Variants in LEPROTL1 observed in about 807,000 individuals in gnomAD.
The protein encoded by LEPROTL1 is leptin receptor overlapping transcript like 1.
In LEPROTL1, 6 loss-of-function variants were observed where a neutral mutation model predicts 15.4. That is an observed-to-expected ratio of 0.39 (90% CI 0.21 to 0.77). The LOEUF is 0.77. Among genes scored for constraint, LEPROTL1 ranks in the 30% least tolerant of loss-of-function variants. LEPROTL1 has a pLI of 0.41. For missense variants in LEPROTL1, 128 were observed against 158.1 expected (o/e 0.81, Z 1.02); for synonymous variants, 56 against 52.6 (o/e 1.06, Z -0.28).
At position 30,106,077 on chromosome 8, in the gene LEPROTL1, T is replaced by C. The variant is rs1166959422; in HGVS notation, c.*215T>C. The C allele has an allele frequency of 2.8e-6, 3 of 1,089,750 alleles. No individual in the cohort carries two copies. The highest frequency in any genetic ancestry group is 3.4e-6 in the Non-Finnish European group (3 of 894,784). The allele number at this position is 1,089,750 out of a possible 1,614,324, so 67.5% of individuals were successfully genotyped here. A position where few individuals can be genotyped will look rare whatever the true frequency, so the allele number is the denominator to read the frequency against. On this transcript the variant is annotated 3_prime_UTR_variant, in exon 4 of 4. Transcript: ENST00000321250. ...CTCTTTTGGAAAAGCTTGACTGATTTCACACTTATCTATAGTATGCTTTTT... is the reference window on the plus strand; with the variant it reads ...CTCTTTTGGAAAAGCTTGACTGATTCCACACTTATCTATAGTATGCTTTTT...
chr8:30,135,147 C>T (rs1457620616), intron 4 of LEPROTL1, among the ~76,000 whole-genome samples: 2 of 151,746 alleles, frequency 1.3e-5, no homozygotes, highest in African/African-American at 4.8e-5. Context: ...CCACCTCAGC[C>T]TCCCAAAGGG....
intron 4 of LEPROTL1, among the ~76,000 whole-genome samples, chr8:30,134,590 G>A (rs1049102254): frequency 1.3e-5 from 2 of 152,050 alleles, no homozygotes; most frequent in African/African-American, 4.8e-5. Flanking sequence ...GGCCCAGGCT[G>A]GAGTGCAGTG....
intron 1 of LEPROTL1, 50 bp downstream of exon 1, chr8:30,095,578 T>A: frequency 7.6e-7 from 1 of 1,318,042 alleles, no homozygotes; most frequent in Non-Finnish European, 9.7e-7. Flanking sequence ...CGGGGGAAGA[T>A]GGGCCGGGGG....
intron 3 of LEPROTL1, among the ~76,000 whole-genome samples, chr8:30,118,677 C>G (rs4733370): frequency 6.6e-6 from 1 of 152,126 alleles, no homozygotes; most frequent in South Asian, 2.1e-4. Flanking sequence ...CCTGCACCGG[C>G]ACCGGTTTCT....
At position 30,107,729 on chromosome 8, in the gene LEPROTL1, CTT is replaced by C. The variant is rs968897031; in HGVS notation, c.*1869_*1870del. 1.0e-6 allele frequency: 1 copy of C among 976,772 alleles called. No homozygotes were observed. Among genetic ancestry groups the C allele is most frequent in the Non-Finnish European group, 1.2e-6 (1 of 827,348 alleles). The allele number at this position is 976,772 out of a possible 1,614,324, so 60.5% of individuals were successfully genotyped here. On this transcript the variant is annotated 3_prime_UTR_variant, in exon 4 of 4. Transcript: ENST00000321250. ...AGAGCTGGTGAGACAGTTGGGAACT[CTT>C]TGTGCTTGTGATCTACTGGACTTTT...
Position 30,108,066 on chromosome 8 carries a change from AT to A in LEPROTL1, c.*2208del. Reference sequence around the variant, plus strand: ...GAAACAATAAAGATTTTAAATATCTATTTTAGTTTGTGGGTGTTTTTGAAAT... The same window carrying A: ...GAAACAATAAAGATTTTAAATATCTATTTAGTTTGTGGGTGTTTTTGAAAT... On this transcript the variant is annotated 3_prime_UTR_variant, in exon 4 of 4. Coordinates refer to ENST00000321250, the MANE Select transcript of LEPROTL1 (RefSeq NM_015344.3). 2 of 855,580 alleles carry A rather than the reference AT, an allele frequency of 2.3e-6. No individual in the cohort carries two copies. Among genetic ancestry groups the A allele is most frequent in the Non-Finnish European group, 2.8e-6 (2 of 711,816 alleles). 53.0% of individuals were successfully genotyped at this position (855,580 alleles called of 1,614,324 possible). A position where few individuals can be genotyped will look rare whatever the true frequency, so the allele number is the denominator to read the frequency against.
rs529084890 is a variant in LEPROTL1, at chr8:30,099,476, C to A, written c.17-2422C>A. Among the ~76,000 whole-genome samples, 4 of 69,476 alleles carry A rather than the reference C, an allele frequency of 5.8e-5. No homozygotes were observed. In the South Asian group the frequency reaches 3.1e-3, roughly 54 times the overall value. 45.6% of individuals were successfully genotyped at this position (69,476 alleles called of 152,430 possible). A position where few individuals can be genotyped will look rare whatever the true frequency, so the allele number is the denominator to read the frequency against. ...ATTAGCTAGGCATGGTGGTGCACAG[C>A]TGTAGTCCCAGCTACTCAGAAAGGC... On this transcript the variant is annotated intron_variant, in intron 1 of 3. Coordinates refer to ENST00000321250, the MANE Select transcript of LEPROTL1 (RefSeq NM_015344.3).
intron 1 of LEPROTL1, 121 bp from the exon 2 acceptor site, chr8:30,101,777 T>C (rs1802471669): frequency 3.4e-6 from 2 of 584,880 alleles, no homozygotes; most frequent in Admixed American, 3.1e-5. Flanking sequence ...TGATGGCAAC[T>C]TGCTATTAAT....
rs1233151209 is a variant in LEPROTL1, at chr8:30,102,009, G to A, written c.92+36G>A. On this transcript the variant is annotated intron_variant, in intron 2 of 3. Coordinates refer to ENST00000321250, the MANE Select transcript of LEPROTL1 (RefSeq NM_015344.3). ...TGTTTGTCTTTCTGAATATTTAAGG[G>A]TAAAATTTTTCTACTTTTAAAGCTT... 5 of 1,381,802 alleles carry A rather than the reference G, an allele frequency of 3.6e-6. No individual in the cohort carries two copies. The African/African-American group carries it at 4.4e-5, about 12-fold the overall frequency. 85.6% of individuals were successfully genotyped at this position (1,381,802 alleles called of 1,614,324 possible).
At chr8:30,117,511 A>AT in intron 3 of LEPROTL1, 1 of 1,379,958 alleles carries the variant, frequency 7.2e-7, no homozygotes, top group Non-Finnish European at 1.0e-6. Flanking sequence ...ATTTTCTGCC[A>AT]TTTTTCCAGA....
Position 30,107,791 on chromosome 8 carries a change from T to A in LEPROTL1, c.*1929T>A, listed in dbSNP as rs1467338622. On this transcript the variant is annotated 3_prime_UTR_variant, in exon 4 of 4. Coordinates refer to ENST00000321250, the MANE Select transcript of LEPROTL1 (RefSeq NM_015344.3). ...AAGTGCATTCTCTGGTCCTTCCCTA[T>A]TTTCTGTTCTGGATGTCAGTGCAGT... is the stretch of plus-strand genomic sequence containing the variant. 1 of 985,408 alleles carries A rather than the reference T, an allele frequency of 1.0e-6. No homozygotes were observed. The highest frequency in any genetic ancestry group is 1.2e-6 in the Non-Finnish European group (1 of 829,900). 61.0% of individuals were successfully genotyped at this position (985,408 alleles called of 1,614,324 possible).
intron 4 of LEPROTL1, among the ~76,000 whole-genome samples, chr8:30,137,089 C>T (rs753976776): frequency 1.4e-4 from 22 of 152,196 alleles, no homozygotes; most frequent in South Asian, 2.1e-4. Context: ...AGATAGGTGA[C>T]CGCCTGGAGC....
At chr8:30,117,114 C>A (rs1802753742) in intron 3 of LEPROTL1, among the ~76,000 whole-genome samples, 1 of 152,106 alleles carries the variant, frequency 6.6e-6, no homozygotes, top group Admixed American at 6.5e-5. Flanking sequence ...GACCTACTAA[C>A]TCCTTGTATT....
At chr8:30,113,773 C>G (rs1459388669) in intron 3 of LEPROTL1, among the ~76,000 whole-genome samples, 1 of 152,132 alleles carries the variant, frequency 6.6e-6, no homozygotes, top group Admixed American at 6.5e-5. Context: ...TTTAGTGAGA[C>G]CCTCAAGCAG....
At chr8:30,111,104 A>T (rs946447090), downstream of LEPROTL1, among the ~76,000 whole-genome samples, 1 of 152,224 alleles carries the variant, frequency 6.6e-6, no homozygotes, top group Non-Finnish European at 1.5e-5. Context: ...AGGGTTTACA[A>T]TTGAAACAAC....
At chr8:30,130,031 C>T (rs370791248) in intron 3 of LEPROTL1, among the ~76,000 whole-genome samples, 136 of 152,234 alleles carry the variant, frequency 8.9e-4, no homozygotes, top group Middle Eastern at 3.4e-3. Flanking sequence ...ATGATTTAAT[C>T]GCCTCCCACC....
At chr8:30,102,333 T>TAAAA (rs11463597) in intron 2 of LEPROTL1, among the ~76,000 whole-genome samples, 22 of 150,518 alleles carry the variant, frequency 1.5e-4, no homozygotes, top group African/African-American at 4.9e-4. Flanking sequence ...AAAACACAAT[T>TAAAA]AAAAAAAAAG....
At chr8:30,132,509 C>T (rs1175283896) in intron 4 of LEPROTL1, 2 of 1,551,756 alleles carry the variant, frequency 1.3e-6, no homozygotes, top group South Asian at 1.2e-5. Flanking sequence ...AAAAGCCCAG[C>T]TGTGGTCCAC....
At position 30,129,188 on chromosome 8, in the gene LEPROTL1, A is replaced by G. The variant is rs535447099; in HGVS notation, c.280-3187A>G. On this transcript the variant is annotated intron_variant, in intron 3 of 4. Coordinates refer to the LEPROTL1 transcript ENST00000442880. ...AGTGCTGAGATTACAGGCGTGAGCCACTGCACCCCACCAAGGCCACTACAA... is the reference window on the plus strand; with the variant it reads ...AGTGCTGAGATTACAGGCGTGAGCCGCTGCACCCCACCAAGGCCACTACAA... 2.6e-5 allele frequency among the ~76,000 whole-genome samples: 4 copies of G among 152,278 alleles called. No individual in the cohort carries two copies. The South Asian group carries it at 8.3e-4, about 32-fold the overall frequency.
Sources: allele counts gnomAD v4.1 joint callset (sites outside exome capture counted in the v4.1 genomes callset), GRCh38; gene constraint gnomAD v4.1.1; transcripts MANE v1.5; gene names NCBI Gene and HGNC (gene_info 2026-07-23, HGNC 2026-07-21).